GSK3B: variants seen among roughly 807,000 people sequenced by gnomAD.
GSK3B encodes the protein glycogen synthase kinase 3 beta.
In GSK3B, 15 loss-of-function variants were observed where a neutral mutation model predicts 56.4. The observed-to-expected ratio is 0.27, with a 90% CI of 0.18 to 0.41. The LOEUF (loss-of-function observed/expected upper bound fraction) is 0.41. Among genes scored for constraint, GSK3B ranks in the 10% least tolerant of loss-of-function variants. The pLI is 1.00. For missense variants in GSK3B, 300 were observed against 513.4 expected, an observed-to-expected ratio of 0.58 and a Z score of 4.02; for synonymous variants, 181 against 188.9, an observed-to-expected ratio of 0.96 and a Z score of 0.34.
chr3:120,086,442 G>A (rs546931911), intron 1 of GSK3B, among the ~76,000 whole-genome samples: 1 of 152,280 alleles, frequency 6.6e-6, no homozygotes, highest in Admixed American at 6.5e-5. Context: ...ATTTTATGTA[G>A]TTTATGCAGA....
chr3:119,954,571 G>T (rs2057193753), intron 2 of GSK3B, among the ~76,000 whole-genome samples: 1 of 152,104 alleles, frequency 6.6e-6, no homozygotes, highest in African/African-American at 2.4e-5. Flanking sequence ...ATGTAAACAA[G>T]ATTCTTACTA....
chr3:119,843,243 G>A lies in GSK3B; in HGVS notation c.1195+12C>T. On this transcript the variant is annotated intron_variant, in intron 10 of 10. Transcript: ENST00000264235. Reference sequence around the variant, plus strand: ...AATATGTTTTTATAGAAGAGACTTAGAACGTTCTTACCTGACGCTGCTGTG... The same window carrying A: ...AATATGTTTTTATAGAAGAGACTTAAAACGTTCTTACCTGACGCTGCTGTG... 1 of 1,560,548 alleles carries A rather than the reference G, an allele frequency of 6.4e-7. No homozygotes were observed. Among genetic ancestry groups the A allele is most frequent in the South Asian group, 1.1e-5 (1 of 90,136 alleles).
At chr3:119,949,012 G>A (rs1576222250) in intron 2 of GSK3B, among the ~76,000 whole-genome samples, 2 of 152,268 alleles carry the variant, frequency 1.3e-5, no homozygotes, top group East Asian at 3.9e-4. Flanking sequence ...TCTATACTTT[G>A]TTAATTCACA....
intron 1 of GSK3B, among the ~76,000 whole-genome samples, chr3:120,038,574 T>C (rs2058040810): frequency 6.6e-6 from 1 of 152,172 alleles, no homozygotes; most frequent in African/African-American, 2.4e-5. Flanking sequence ...GGGATGGCAG[T>C]CTTTTTCTGA....
At chr3:119,901,769 T>TA (rs1042017473) in intron 7 of GSK3B, among the ~76,000 whole-genome samples, 1 of 151,822 alleles carries the variant, frequency 6.6e-6, no homozygotes, top group Non-Finnish European at 1.5e-5. Context: ...AACATAAGAA[T>TA]AAAAAAAAGT....
At chr3:120,092,954 C>A (rs1250074213) in intron 1 of GSK3B, among the ~76,000 whole-genome samples, 1 of 152,184 alleles carries the variant, frequency 6.6e-6, no homozygotes, top group African/African-American at 2.4e-5. Context: ...TCCAAAAATT[C>A]TGCAAATGTG....
chr3:119,942,116 T>C (rs560814457), intron 3 of GSK3B, among the ~76,000 whole-genome samples: 1 of 152,312 alleles, frequency 6.6e-6, no homozygotes, highest in African/African-American at 2.4e-5. Context: ...TCTTTGTTAT[T>C]TGAACAGTCT....
intron 2 of GSK3B, among the ~76,000 whole-genome samples, chr3:120,000,143 A>G (rs1450382748): frequency 2.6e-5 from 4 of 152,220 alleles, no homozygotes; most frequent in Non-Finnish European, 5.9e-5. Context: ...CAGTATGAGG[A>G]AAAAAGAAAA....
chr3:120,094,333 G>T lies in GSK3B; in HGVS notation c.-899C>A. 1 of 279,086 alleles carries T rather than the reference G, an allele frequency of 3.6e-6. No homozygotes were observed. Among genetic ancestry groups the T allele is most frequent in the Non-Finnish European group, 6.8e-6 (1 of 147,246 alleles). The allele number at this position is 279,086 out of a possible 1,614,324, so 17.3% of individuals were successfully genotyped here. A position where few individuals can be genotyped will look rare whatever the true frequency, so the allele number is the denominator to read the frequency against. On this transcript the variant is annotated 5_prime_UTR_variant, in exon 1 of 11. Coordinates refer to ENST00000264235, the MANE Select transcript of GSK3B (RefSeq NM_001146156.2). ...GCCCCAGCCCAGAGCCCTGTCAGCGGCTGCGGGGCCGGCTCCTCCTCGCTT... is the reference window on the plus strand; with the variant it reads ...GCCCCAGCCCAGAGCCCTGTCAGCGTCTGCGGGGCCGGCTCCTCCTCGCTT...
rs971755548 is a variant in GSK3B, at chr3:119,868,626, T to C, written c.910-5021A>G. 8.5e-5 allele frequency among the ~76,000 whole-genome samples: 13 copies of C among 152,186 alleles called. 1 individual carries two copies. Among genetic ancestry groups the C allele is most frequent in the East Asian group, 1.9e-4 (1 of 5,196 alleles). ...TGTATTATGTAGCCAATCAGAGCAATGTAAAAATGTCCATTTTAAATGGCT... is the reference window on the plus strand; with the variant it reads ...TGTATTATGTAGCCAATCAGAGCAACGTAAAAATGTCCATTTTAAATGGCT... On this transcript the variant is annotated intron_variant, in intron 8 of 10. Transcript: ENST00000264235.
chr3:119,933,590 G>A (rs1398940010), intron 3 of GSK3B, among the ~76,000 whole-genome samples: 1 of 152,126 alleles, frequency 6.6e-6, no homozygotes, highest in Admixed American at 6.6e-5. Flanking sequence ...AAGAAGCACA[G>A]GAGCCGCCAA....
chr3:120,074,977 C>A (rs2058356989), intron 1 of GSK3B, among the ~76,000 whole-genome samples: 1 of 152,158 alleles, frequency 6.6e-6, no homozygotes, highest in South Asian at 2.1e-4. Context: ...CTGATGAACA[C>A]TGATGATACA....
intron 7 of GSK3B, among the ~76,000 whole-genome samples, chr3:119,885,484 C>G (rs2056426180): frequency 6.6e-6 from 1 of 151,932 alleles, no homozygotes; most frequent in African/African-American, 2.4e-5. Context: ...ATCAAACTAC[C>G]AATGTCATTT....
intron 2 of GSK3B, among the ~76,000 whole-genome samples, chr3:119,950,896 G>A (rs2057150617): frequency 1.3e-5 from 2 of 152,194 alleles, no homozygotes; most frequent in South Asian, 4.1e-4. Flanking sequence ...CCAGGGCAGT[G>A]TTGGCAGTGA....
rs549752275 is a variant in GSK3B at position 119,823,683 on chromosome 3, C to T, written c.*3105G>A. On this transcript the variant is annotated 3_prime_UTR_variant, in exon 11 of 11. Transcript: ENST00000264235. ...GAATGGACTAAGTATGAAATGAAAC[C>T]GGTCTCACTGCTACCGAGGAGGAAA... 5.5e-6 allele frequency: 1 copy of T among 183,280 alleles called. No individual in the cohort carries two copies. Among genetic ancestry groups the T allele is most frequent in the Non-Finnish European group, 1.2e-5 (1 of 86,184 alleles). 11.4% of individuals were successfully genotyped at this position (183,280 alleles called of 1,614,324 possible).
At position 120,093,389 on chromosome 3, in the gene GSK3B, G is replaced by A; in HGVS notation, c.46C>T (p.Pro16Ser). ...CCAAAAGCTGAAGGCTGCTGCACCG[G>A]CTTGCAGCTCTCCGCAAAGGAGGTG... ...RTTSFAESCK[P>S]VQQPSAFGSM... The change falls in exon 1 of 11, where the codon CCG becomes TCG. Residue 16 changes from proline (P) to serine (S), a missense_variant. Physicochemically the swap from Pro to Ser is moderately conservative, Grantham distance 74. Transcript: ENST00000264235. 3 of 1,613,554 alleles carry A rather than the reference G, an allele frequency of 1.9e-6. No individual in the cohort carries two copies. Among genetic ancestry groups the A allele is most frequent in the Non-Finnish European group, 2.5e-6 (3 of 1,179,500 alleles).
chr3:120,026,441 G>A lies in GSK3B; in HGVS notation c.89-24202C>T, dbSNP rs1401065886. ...ACCTGTAAGGATTTATTACCGCAAG[G>A]GGGTCTGCAAATCCACACAAAAATA... is the stretch of plus-strand genomic sequence containing the variant. On this transcript the variant is annotated intron_variant, in intron 1 of 10. Transcript: ENST00000264235. Among the ~76,000 whole-genome samples, 3 of 150,146 alleles carry A rather than the reference G, an allele frequency of 2.0e-5. No individual in the cohort carries two copies. In the South Asian group the frequency reaches 6.3e-4, roughly 32 times the overall value.
chr3:119,873,332 C>CT (rs78747347), intron 8 of GSK3B, among the ~76,000 whole-genome samples: 328 of 144,888 alleles, frequency 2.3e-3, no homozygotes, highest in East Asian at 9.2e-3. Context: ...TTTCTGTCTA[C>CT]TTTTTTTTTT....
intron 7 of GSK3B, among the ~76,000 whole-genome samples, chr3:119,897,793 C>CAAAAAAAAAAAAAA (rs11464173): frequency 6.8e-5 from 5 of 73,122 alleles, no homozygotes; most frequent in African/African-American, 1.7e-4. Context: ...GACTCTGTCT[C>CAAAAAAAAAAAAAA]AAAAAAAAAA....
Sources: gnomAD v4.1 joint callset for allele counts (sites outside exome capture counted in the v4.1 genomes callset) on GRCh38, gnomAD v4.1.1 for gene constraint, MANE v1.5 for transcripts, NCBI Gene and HGNC (gene_info 2026-07-23, HGNC 2026-07-21) for gene names.